The following PTPRN2 variants were observed in gnomAD, a reference collection of about 807,000 sequenced individuals.
PTPRN2 encodes receptor-type tyrosine-protein phosphatase N2.
PTPRN2 carries 74 observed loss-of-function variants against 118.8 expected under a neutral mutation model. The ratio of observed to expected loss-of-function variants is 0.62; its 90% CI spans 0.52 to 0.76. PTPRN2 has a LOEUF of 0.76. PTPRN2 is among the 30% of genes least tolerant of loss of function. The pLI is 0.00. For synonymous variants in PTPRN2, 641 were observed against 608.0 expected, an observed-to-expected ratio of 1.05 and a Z score of -0.80; for missense variants, 1,481 against 1,394.4, an observed-to-expected ratio of 1.06 and a Z score of -0.99.
Position 157,813,618 on chromosome 7 carries a change from C to T in PTPRN2, c.1788+85055G>A, listed in dbSNP as rs1027600708. 7.9e-5 allele frequency among the ~76,000 whole-genome samples: 12 copies of T among 151,982 alleles called. No individual in the cohort carries two copies. Among genetic ancestry groups the T allele is most frequent in the Non-Finnish European group, 1.8e-4 (12 of 68,048 alleles). On this transcript the variant is annotated intron_variant, in intron 12 of 22. Transcript: ENST00000389418. The surrounding 1 kb of genome is among the most constrained non-coding windows in gnomAD (Gnocchi z 4.7). ...CCACGAATGATAAGCGCCTTTGCTG[C>T]CTCTGGGCGGGTCCGGGGGAGTCGC...
chr7:157,747,453 C>T (rs535733182), intron 12 of PTPRN2, among the ~76,000 whole-genome samples: 1 of 116,232 alleles, frequency 8.6e-6, no homozygotes, highest in Admixed American at 9.2e-5. Context: ...CTGAGGCCTG[C>T]GTCCCTGAGC....
intron 2 of PTPRN2, among the ~76,000 whole-genome samples, chr7:158,366,071 G>GCA (rs1183951417): frequency 1.5e-5 from 2 of 133,728 alleles, no homozygotes; most frequent in African/African-American, 5.7e-5. Flanking sequence ...ATGCACGCGT[G>GCA]CACACACACA....
At chr7:158,223,368 A>G (rs1265698813) in intron 3 of PTPRN2, among the ~76,000 whole-genome samples, 1 of 152,200 alleles carries the variant, frequency 6.6e-6, no homozygotes, top group Non-Finnish European at 1.5e-5. Context: ...AAAGACAGTA[A>G]AAAGAAACCT....
chr7:158,552,603 T>C (rs773615999), intron 1 of PTPRN2, among the ~76,000 whole-genome samples: 16 of 152,226 alleles, frequency 1.1e-4, no homozygotes, highest in Non-Finnish European at 2.2e-4. Context: ...CCCACCACCA[T>C]GCCCTGCTAA....
Position 157,729,802 on chromosome 7 carries a change from G to C in PTPRN2, c.1789-46865C>G, listed in dbSNP as rs549474470. Among the ~76,000 whole-genome samples the C allele has an allele frequency of 3.3e-5, 5 of 152,284 alleles. No individual in the cohort carries two copies. The highest frequency in any genetic ancestry group is 1.2e-4 in the African/African-American group (5 of 41,550). ...TGCACCACACCCATAAGGGCCACCT[G>C]CTGGCCACGTGGAGGACGGGGAGCG... On this transcript the variant is annotated intron_variant, in intron 12 of 22. Coordinates refer to ENST00000389418, the MANE Select transcript of PTPRN2 (RefSeq NM_002847.5). The surrounding 1 kb of genome is among the most constrained non-coding windows in gnomAD (Gnocchi z 4.3).
At chr7:157,767,438 G>A (rs1802550620) in intron 12 of PTPRN2, among the ~76,000 whole-genome samples, 1 of 152,230 alleles carries the variant, frequency 6.6e-6, no homozygotes, top group South Asian at 2.1e-4. Context: ...AATGATGCCT[G>A]ACACTTTGTA....
At chr7:157,581,582 C>T (rs1201563918) in intron 17 of PTPRN2, among the ~76,000 whole-genome samples, 1 of 152,216 alleles carries the variant, frequency 6.6e-6, no homozygotes, top group Admixed American at 6.5e-5. Context: ...GACAGCTGTT[C>T]AGCAGCAGCA....
At chr7:158,087,072 G>T (rs1019686441) in intron 10 of PTPRN2, among the ~76,000 whole-genome samples, 1 of 152,212 alleles carries the variant, frequency 6.6e-6, no homozygotes, top group African/African-American at 2.4e-5. Flanking sequence ...GGAGGATCGG[G>T]CAGGATAGCT....
intron 11 of PTPRN2, among the ~76,000 whole-genome samples, chr7:157,920,537 G>A (rs1051652352): frequency 6.6e-5 from 10 of 152,190 alleles, no homozygotes; most frequent in East Asian, 3.9e-4. Context: ...TCTAGCCAGC[G>A]AGGACAAATG....
intron 11 of PTPRN2, among the ~76,000 whole-genome samples, chr7:157,956,280 T>A (rs1585084849): frequency 6.6e-6 from 1 of 152,102 alleles, no homozygotes; most frequent in Non-Finnish European, 1.5e-5. Context: ...GGAGCACATC[T>A]GGAGGGGGAG....
chr7:157,904,034 A>G (rs1382166260), intron 11 of PTPRN2, among the ~76,000 whole-genome samples: 3 of 152,166 alleles, frequency 2.0e-5, no homozygotes, highest in African/African-American at 7.2e-5. Context: ...AAAGTGCTGT[A>G]TCTGCTGCGT....
intron 11 of PTPRN2, among the ~76,000 whole-genome samples, chr7:158,053,686 C>T (rs765611674): frequency 9.9e-5 from 15 of 152,162 alleles, no homozygotes; most frequent in South Asian, 2.1e-4. Context: ...ACAGCCGCTG[C>T]GGAAGATGCA....
intron 1 of PTPRN2, among the ~76,000 whole-genome samples, chr7:158,512,148 C>T (rs565043221): frequency 6.6e-5 from 10 of 152,266 alleles, no homozygotes; most frequent in South Asian, 4.1e-4. Flanking sequence ...CTGACACCAA[C>T]GGGGCAGGAG....
At chr7:157,631,332 GA>G (rs1803926006) in intron 14 of PTPRN2, among the ~76,000 whole-genome samples, 1 of 152,212 alleles carries the variant, frequency 6.6e-6, no homozygotes. Context: ...CGTAGAAGGG[GA>G]AACAACGTGT....
intron 1 of PTPRN2, among the ~76,000 whole-genome samples, chr7:158,550,501 C>T (rs1182775538): frequency 6.6e-6 from 1 of 152,260 alleles, no homozygotes; most frequent in Non-Finnish European, 1.5e-5. Flanking sequence ...GGCTTGCAGG[C>T]CCACAGGCCC....
At chr7:158,107,982 G>A (rs1815822714) in intron 10 of PTPRN2, among the ~76,000 whole-genome samples, 1 of 150,738 alleles carries the variant, frequency 6.6e-6, no homozygotes, top group South Asian at 2.1e-4. Flanking sequence ...TCCCTCACCT[G>A]GATCTCTGCA....
At chr7:158,313,508 A>T (rs1802044120) in intron 3 of PTPRN2, among the ~76,000 whole-genome samples, 1 of 152,204 alleles carries the variant, frequency 6.6e-6, no homozygotes, top group South Asian at 2.1e-4. Flanking sequence ...GCAGACGCTC[A>T]GCCAGGGCCT....
At chr7:158,391,574 C>T (rs988169564) in intron 2 of PTPRN2, among the ~76,000 whole-genome samples, 3 of 152,202 alleles carry the variant, frequency 2.0e-5, no homozygotes, top group African/African-American at 4.8e-5. Context: ...CCACCTACCC[C>T]GCAGGAGGAG....
chr7:157,752,588 C>G (rs575896820), intron 12 of PTPRN2, among the ~76,000 whole-genome samples: 1 of 152,244 alleles, frequency 6.6e-6, no homozygotes, highest in Admixed American at 6.5e-5. Flanking sequence ...AGCCCATCCT[C>G]GTCTTATCAA....
Sources: allele counts gnomAD v4.1 joint callset (sites outside exome capture counted in the v4.1 genomes callset), GRCh38; gene constraint gnomAD v4.1.1; non-coding constraint Gnocchi (gnomAD v3.1); transcripts MANE v1.5; gene names NCBI Gene and HGNC (gene_info 2026-07-23, HGNC 2026-07-21).